The following FLNB variants were observed in gnomAD, a reference collection of about 807,000 sequenced individuals.
The protein encoded by FLNB is filamin B, also known as filamin-B.
In FLNB, 111 loss-of-function variants were observed where a neutral mutation model predicts 250.6. That is an observed-to-expected ratio of 0.44 (90% CI 0.38 to 0.52). The LOEUF (loss-of-function observed/expected upper bound fraction) is 0.52. Ranked by LOEUF, FLNB falls within the 20% of genes least tolerant of loss-of-function variation. FLNB has a pLI of 0.00. For missense variants in FLNB, 2,869 were observed against 3,447.8 expected (o/e 0.83, Z 4.20); for synonymous variants, 1,302 against 1,372.1 (o/e 0.95, Z 1.13).
Position 58,169,257 on chromosome 3 carries a change from T to C in FLNB, c.7418-333T>C. 1 of 374,426 alleles carries C rather than the reference T, an allele frequency of 2.7e-6. No homozygotes were observed. Among genetic ancestry groups the C allele is most frequent in the Non-Finnish European group, 5.1e-6 (1 of 197,962 alleles). The allele number at this position is 374,426 out of a possible 1,614,324, so 23.2% of individuals were successfully genotyped here. On this transcript the variant is annotated intron_variant, in intron 44 of 45. Transcript: ENST00000295956. This position sits in a 1 kb window ranked among gnomAD's most constrained non-coding sequence, Gnocchi z 4.8. The stretch of plus-strand genomic sequence containing the variant: ...ATGTCATCCCAAACTTTTACACTGC[T>C]TATACATAGACTATTTTATGTCAAT...
Position 58,138,270 on chromosome 3 carries a change from A to G in FLNB, c.4862-12A>G, listed in dbSNP as rs1282861879. On this transcript the variant is annotated splice_polypyrimidine_tract_variant and intron_variant, in intron 28 of 45. Coordinates refer to ENST00000295956, the MANE Select transcript of FLNB (RefSeq NM_001457.4). ...CCATACTTCCATTCTCTTCCCCTGA[A>G]CTCTTCTCCAGGTCCTGGAATCGCC... is the stretch of plus-strand genomic sequence containing the variant. The G allele has an allele frequency of 6.2e-7, 1 of 1,613,254 alleles. No individual in the cohort carries two copies. The highest frequency in any genetic ancestry group is 1.7e-5 in the Admixed American group (1 of 60,008).
chr3:58,142,431 G>A lies in FLNB; in HGVS notation c.5182-219G>A, dbSNP rs1190799963. 6.6e-6 allele frequency among the ~76,000 whole-genome samples: 1 copy of A among 152,136 alleles called. No homozygotes were observed. The highest frequency in any genetic ancestry group is 1.5e-5 in the Non-Finnish European group (1 of 68,028). On this transcript the variant is annotated intron_variant, in intron 30 of 45. Coordinates refer to ENST00000295956, the MANE Select transcript of FLNB (RefSeq NM_001457.4). The surrounding 1 kb of genome is among the most constrained non-coding windows in gnomAD (Gnocchi z 4.3). The stretch of plus-strand genomic sequence containing the variant: ...CTGGGAATTTTACAAACAGACTCCC[G>A]AGTGATTGCTAACAGTTGGTCAGCA...
chr3:58,073,128 A>G (rs1214380030), intron 1 of FLNB, among the ~76,000 whole-genome samples: 1 of 150,794 alleles, frequency 6.6e-6, no homozygotes, highest in Non-Finnish European at 1.5e-5. Context: ...GGCCACCACC[A>G]TTACCCTGAC....
intron 4 of FLNB, among the ~76,000 whole-genome samples, chr3:58,091,223 G>T (rs1187911585): frequency 1.3e-5 from 2 of 152,154 alleles, no homozygotes; most frequent in African/African-American, 4.8e-5. Flanking sequence ...AAAAGGCAAA[G>T]GAATTAAAGT....
chr3:58,053,331 A>AT (rs1158083431), intron 1 of FLNB, among the ~76,000 whole-genome samples: 1 of 152,252 alleles, frequency 6.6e-6, no homozygotes, highest in African/African-American at 2.4e-5. Flanking sequence ...CTGCAGGCAC[A>AT]TGCCACCATG....
intron 8 of FLNB, among the ~76,000 whole-genome samples, chr3:58,100,369 A>ATATATATATATAT (rs1559692340): frequency 1.5e-4 from 4 of 26,610 alleles, no homozygotes; most frequent in African/African-American, 1.2e-3. Flanking sequence ...ATATGTAAAA[A>ATATATATATATAT]AAAAATATAT....
Position 58,096,181 on chromosome 3 carries a change from C to T in FLNB, c.947C>T (p.Ser316Phe), listed in dbSNP as rs1327399055. Reference sequence around the variant, plus strand: ...GACAGTGACAAGAACAAGACATACTCTGTGGAGTATCTGCCCAAGGTCACC... The same window carrying T: ...GACAGTGACAAGAACAAGACATACTTTGTGGAGTATCTGCCCAAGGTCACC... ...TPDSDKNKTYSVEYLPKVTGL... is the reference protein window; with the variant it reads ...TPDSDKNKTYFVEYLPKVTGL... Residue 316 changes from serine (S) to phenylalanine (F), a missense_variant, in exon 6 of 46, where the codon TCT (serine) becomes TTT (phenylalanine). Ser to Phe is a radical substitution (Grantham distance 155). This residue lies in a region of FLNB where 308 missense variants were observed against 466.1 expected (regional missense o/e 0.66). Coordinates refer to ENST00000295956, the MANE Select transcript of FLNB (RefSeq NM_001457.4). 1.9e-6 allele frequency: 3 copies of T among 1,614,086 alleles called. No homozygotes were observed. Among genetic ancestry groups the T allele is most frequent in the South Asian group, 1.1e-5 (1 of 91,078 alleles).
At chr3:58,036,459 G>A (rs886142547) in intron 1 of FLNB, among the ~76,000 whole-genome samples, 16 of 152,080 alleles carry the variant, frequency 1.1e-4, no homozygotes, top group African/African-American at 3.1e-4. Context: ...TCGAAGTGAC[G>A]TTTTCTTGCT....
intron 26 of FLNB, among the ~76,000 whole-genome samples, chr3:58,133,765 T>C (rs1033773579): frequency 1.3e-5 from 2 of 152,178 alleles, no homozygotes; most frequent in African/African-American, 4.8e-5. Context: ...CTTTCACCCA[T>C]ATCCCCTAAC....
intron 4 of FLNB, among the ~76,000 whole-genome samples, chr3:58,089,325 A>G (rs1576697405): frequency 6.6e-6 from 1 of 152,092 alleles, no homozygotes; most frequent in African/African-American, 2.4e-5. Context: ...CGGGCAGATC[A>G]CCTGAGGTCA....
Position 58,148,357 on chromosome 3 carries a change from C to A in FLNB, c.5880C>A (p.Asn1960Lys). ...EPCLLKRLPNNHIGISFIPRE... is the reference protein window; with the variant it reads ...EPCLLKRLPNKHIGISFIPRE... Reference sequence around the variant, plus strand: ...GTCTCCTGAAGAGGCTGCCCAACAACCACATTGGTGAGCTAGGCTACCCTT... The same window carrying A: ...GTCTCCTGAAGAGGCTGCCCAACAAACACATTGGTGAGCTAGGCTACCCTT... Residue 1960 changes from asparagine (N) to lysine (K), a missense_variant, in exon 35 of 46, where the codon AAC (asparagine) becomes AAA (lysine). Coordinates refer to ENST00000295956, the MANE Select transcript of FLNB (RefSeq NM_001457.4). The A allele has an allele frequency of 6.2e-7, 1 of 1,613,626 alleles. No individual in the cohort carries two copies. The highest frequency in any genetic ancestry group is 2.2e-5 in the East Asian group (1 of 44,864).
intron 29 of FLNB, among the ~76,000 whole-genome samples, chr3:58,139,017 T>C (rs1346294818): frequency 6.6e-6 from 1 of 152,196 alleles, no homozygotes; most frequent in Non-Finnish European, 1.5e-5. Flanking sequence ...ATTCACACTT[T>C]ATGTATGAGG....
intron 9 of FLNB, among the ~76,000 whole-genome samples, chr3:58,102,830 A>G (rs1335715515): frequency 6.6e-6 from 1 of 152,244 alleles, no homozygotes; most frequent in African/African-American, 2.4e-5. Flanking sequence ...GGAGAATAAA[A>G]TTCCCTAAGA....
chr3:58,122,496 C>CA lies in FLNB; in HGVS notation c.3127-581dup, dbSNP rs11320902. 8.4e-3 allele frequency among the ~76,000 whole-genome samples: 1,094 copies of CA among 130,802 alleles called. 5 individuals are homozygous for CA. The highest frequency in any genetic ancestry group is 0.025 in the African/African-American group (890 of 36,242). The allele number at this position is 130,802 out of a possible 152,430, so 85.8% of individuals were successfully genotyped here. A position where few individuals can be genotyped will look rare whatever the true frequency, so the allele number is the denominator to read the frequency against. The stretch of plus-strand genomic sequence containing the variant: ...CAACAGAGTGAGATTCCGTCCCCTC[C>CA]AAAAAAAAAAAAAAAAGTTCATCGT... On this transcript the variant is annotated intron_variant, in intron 20 of 45. Coordinates refer to ENST00000295956, the MANE Select transcript of FLNB (RefSeq NM_001457.4).
intron 1 of FLNB, among the ~76,000 whole-genome samples, chr3:58,023,565 A>G (rs1352778973): frequency 6.6e-6 from 1 of 152,218 alleles, no homozygotes; most frequent in Non-Finnish European, 1.5e-5. Flanking sequence ...TAATCAGAAT[A>G]GGGAAGAAAG....
chr3:58,080,192 G>C (rs920171201), intron 3 of FLNB, among the ~76,000 whole-genome samples: 2 of 152,214 alleles, frequency 1.3e-5, no homozygotes, highest in African/African-American at 2.4e-5. Flanking sequence ...TGTTCCTGCA[G>C]GCTAATGGTC....
At chr3:58,035,365 A>C (rs1455153799) in intron 1 of FLNB, among the ~76,000 whole-genome samples, 4 of 152,178 alleles carry the variant, frequency 2.6e-5, no homozygotes, top group African/African-American at 9.7e-5. Flanking sequence ...TCTGACTTCA[A>C]ATTTAAGTGG....
intron 44 of FLNB, 86 bp downstream of exon 44, chr3:58,168,744 T>G: frequency 2.7e-5 from 26 of 970,582 alleles, no homozygotes; most frequent in Non-Finnish European, 4.0e-5. Flanking sequence ...TATGGATGGT[T>G]TTAGATGTGT....
intron 1 of FLNB, among the ~76,000 whole-genome samples, chr3:58,060,769 C>CAAAAAAAAAAA (rs71091334): frequency 6.2e-5 from 4 of 64,206 alleles, no homozygotes; most frequent in Non-Finnish European, 8.5e-5. Context: ...GACCTTGTCT[C>CAAAAAAAAAAA]AAAAAAAAAA....
Sources: gnomAD v4.1 joint callset for allele counts (sites outside exome capture counted in the v4.1 genomes callset) on GRCh38, gnomAD v4.1.1 for gene constraint, gnomAD v4.1.1 regional missense constraint, Gnocchi (gnomAD v3.1) non-coding constraint, MANE v1.5 for transcripts, NCBI Gene and HGNC (gene_info 2026-07-23, HGNC 2026-07-21) for gene names.